The following HNF4A variants were observed in gnomAD, a reference collection of about 807,000 sequenced individuals.
The protein encoded by HNF4A is hepatocyte nuclear factor 4-alpha.
A neutral mutation model predicts 52.4 loss-of-function variants in HNF4A; 15 were observed. That is an observed-to-expected ratio of 0.29 (90% CI 0.19 to 0.44). HNF4A has a LOEUF of 0.44. Among genes scored for constraint, HNF4A ranks in the 20% least tolerant of loss-of-function variants. The probability of loss-of-function intolerance (pLI) is 1.00; values close to 1 mark genes in which losing one functional copy is unlikely to be tolerated. For missense variants in HNF4A, 479 were observed against 647.2 expected (o/e 0.74, Z 2.82); for synonymous variants, 280 against 264.4 (o/e 1.06, Z -0.57).
At chr20:44,402,654 A>C in intron 1 of HNF4A, 1 of 1,348,670 alleles carries the variant, frequency 7.4e-7, no homozygotes. Context: ...GGTAGGGGAA[A>C]AGAGGAGGCC....
chr20:44,401,470 T>A lies in HNF4A; in HGVS notation c.98T>A (p.Val33Glu). 6.2e-7 allele frequency: 1 copy of A among 1,614,150 alleles called. No homozygotes were observed. The highest frequency in any genetic ancestry group is 1.1e-5 in the South Asian group (1 of 91,078). The change falls in exon 1 of 10, where the codon GTG (valine) becomes GAG (glutamate). Residue 33 changes from valine to glutamate, a missense_variant. By Grantham distance (121) the Val-to-Glu change is moderately radical (BLOSUM62 -2). Transcript: ENST00000316099. ...ACCCTGGAATTTGAGAATGTGCAGG[T>A]GTTGACGATGGGCAATGGTAGGTGG...
At chr20:44,359,731 G>C (rs2062896745) in intron 1 of HNF4A, among the ~76,000 whole-genome samples, 1 of 152,128 alleles carries the variant, frequency 6.6e-6, no homozygotes, top group African/African-American at 2.4e-5. Context: ...TTTTGCCAAA[G>C]AAAAAATGTC....
At chr20:44,388,506 G>A (rs1231689476) in intron 1 of HNF4A, among the ~76,000 whole-genome samples, 7 of 151,972 alleles carry the variant, frequency 4.6e-5, no homozygotes, top group Admixed American at 6.5e-5. Context: ...CCATGTGCTG[G>A]TGTGTGATGG....
At chr20:44,423,393 A>G (rs975439308) in intron 7 of HNF4A, among the ~76,000 whole-genome samples, 1 of 152,208 alleles carries the variant, frequency 6.6e-6, no homozygotes, top group African/African-American at 2.4e-5. Flanking sequence ...GGATGGCACA[A>G]CAATTACATC....
upstream of HNF4A, among the ~76,000 whole-genome samples, chr20:44,398,378 A>C (rs576832236): frequency 9.7e-4 from 148 of 152,362 alleles, 1 homozygote; most frequent in South Asian, 0.021. Flanking sequence ...GATTCTGGGC[A>C]GCTGTATTAT....
chr20:44,360,430 TG>T (rs1273785282), intron 1 of HNF4A, among the ~76,000 whole-genome samples: 4 of 152,056 alleles, frequency 2.6e-5, no homozygotes, highest in Admixed American at 1.3e-4. Flanking sequence ...GGATGATGCA[TG>T]GATGGGTAAG....
At chr20:44,406,681 C>T (rs1033874921) in intron 2 of HNF4A, among the ~76,000 whole-genome samples, 3 of 152,196 alleles carry the variant, frequency 2.0e-5, no homozygotes, top group Admixed American at 6.5e-5. Flanking sequence ...TTGGAGAGCC[C>T]TCTTTCGAAA....
chr20:44,405,108 CGT>C (rs999754794), intron 1 of HNF4A, among the ~76,000 whole-genome samples: 12 of 4,740 alleles, frequency 2.5e-3, no homozygotes, highest in Non-Finnish European at 4.3e-3. Context: ...TTGTGCGTAG[CGT>C]GTGTGCGTGT....
chr20:44,416,881 T>A (rs2063672712), intron 5 of HNF4A, among the ~76,000 whole-genome samples: 1 of 152,106 alleles, frequency 6.6e-6, no homozygotes, highest in African/African-American at 2.4e-5. Flanking sequence ...GCTCTCACCA[T>A]CCTTTCCACT....
intron 1 of HNF4A, among the ~76,000 whole-genome samples, chr20:44,405,648 C>T (rs536710746): frequency 6.6e-6 from 1 of 152,286 alleles, no homozygotes; most frequent in East Asian, 1.9e-4. Flanking sequence ...CTGAGATCCA[C>T]CCAGCCCTGG....
At chr20:44,383,128 C>T (rs1336942923) in intron 1 of HNF4A, among the ~76,000 whole-genome samples, 3 of 152,108 alleles carry the variant, frequency 2.0e-5, no homozygotes, top group Non-Finnish European at 4.4e-5. Flanking sequence ...TGTGATGGCG[C>T]CACTGCACTC....
At chr20:44,375,074 A>C (rs1024784699) in intron 1 of HNF4A, among the ~76,000 whole-genome samples, 2 of 151,772 alleles carry the variant, frequency 1.3e-5, no homozygotes, top group African/African-American at 2.4e-5. Flanking sequence ...GAAACTTAAT[A>C]ATCATTTTGA....
intron 3 of HNF4A, among the ~76,000 whole-genome samples, chr20:44,409,252 C>T (rs2063547061): frequency 6.6e-6 from 1 of 152,192 alleles, no homozygotes; most frequent in African/African-American, 2.4e-5. Context: ...CTCTCCCAAA[C>T]CCAGTTTTCA....
downstream of HNF4A, chr20:44,433,760 T>C (rs2146506703): frequency 6.6e-6 from 1 of 152,322 alleles, no homozygotes; most frequent in East Asian, 1.9e-4. Context: ...GCCACTGGGC[T>C]TCTCTCCAAG....
intron 1 of HNF4A, among the ~76,000 whole-genome samples, chr20:44,403,185 T>C (rs2063434952): frequency 1.3e-5 from 2 of 152,180 alleles, no homozygotes; most frequent in Non-Finnish European, 1.5e-5. Flanking sequence ...TGTGTGCTCC[T>C]GAGGCAGAGG....
At chr20:44,426,785 C>T (rs540356207) in intron 8 of HNF4A, among the ~76,000 whole-genome samples, 9 of 152,092 alleles carry the variant, frequency 5.9e-5, no homozygotes, top group Middle Eastern at 3.4e-3. Flanking sequence ...CCAGCGTGGG[C>T]GACAGAACAA....
At chr20:44,366,246 T>C (rs2062968965) in intron 1 of HNF4A, among the ~76,000 whole-genome samples, 1 of 152,222 alleles carries the variant, frequency 6.6e-6, no homozygotes, top group South Asian at 2.1e-4. Context: ...TATTTATGGA[T>C]TTGTGCTTGA....
Position 44,429,648 on chromosome 20 carries a change from A to C in HNF4A, c.1408A>C (p.Lys470Gln). 1 of 1,613,746 alleles carries C rather than the reference A, an allele frequency of 6.2e-7. No homozygotes were observed. Residue 470 changes from lysine (K) to glutamine (Q), a missense_variant, in exon 10 of 10, where the codon AAG (lysine) becomes CAG (glutamine). Lys to Gln is a moderately conservative substitution (Grantham distance 53, BLOSUM62 1). Around this residue, in one of 3 missense-constraint regions of HNF4A, gnomAD observed 389 missense variants for 525.1 expected, o/e 0.74. Coordinates refer to ENST00000316099, the MANE Select transcript of HNF4A (RefSeq NM_000457.6). ...TGCCATCCCCCAGCCGACCATCACC[A>C]AGCAGGAAGTTATCTAGCAAGCCGC...
At chr20:44,418,874 C>A (rs1305712334) in intron 6 of HNF4A, among the ~76,000 whole-genome samples, 4 of 152,220 alleles carry the variant, frequency 2.6e-5, no homozygotes, top group Non-Finnish European at 5.9e-5. Flanking sequence ...CCGCCACGTT[C>A]AAGCAATTCT....
Sources: gnomAD v4.1 joint callset for allele counts (sites outside exome capture counted in the v4.1 genomes callset) on GRCh38, gnomAD v4.1.1 for gene constraint, gnomAD v4.1.1 regional missense constraint, MANE v1.5 for transcripts, NCBI Gene and HGNC (gene_info 2026-07-23, HGNC 2026-07-21) for gene names.